The following ST8SIA6 variants were observed in gnomAD, a reference collection of about 807,000 sequenced individuals.
The protein encoded by ST8SIA6 is ST8 alpha-N-acetyl-neuraminide alpha-2,8-sialyltransferase 6.
In ST8SIA6, 39 loss-of-function variants were observed where a neutral mutation model predicts 33.6. That is an observed-to-expected ratio of 1.16 (90% CI 0.90 to 1.52). The LOEUF (loss-of-function observed/expected upper bound fraction) is 1.52, where lower values mean the gene tolerates loss of function less well. Among genes scored for constraint, ST8SIA6 ranks in the 40% most tolerant of loss-of-function variants. The pLI is 0.00. For missense variants in ST8SIA6, 441 were observed against 443.8 expected (o/e 0.99, Z 0.06); for synonymous variants, 172 against 167.2 (o/e 1.03, Z -0.22).
chr10:17,403,310 G>T (rs1173895674), intron 2 of ST8SIA6, among the ~76,000 whole-genome samples: 1 of 152,208 alleles, frequency 6.6e-6, no homozygotes, highest in East Asian at 1.9e-4. Flanking sequence ...CTTTAGGCGA[G>T]TAGAGAGAAA....
At chr10:17,387,187 A>G (rs1262016101) in intron 3 of ST8SIA6, 4 of 152,208 alleles carry the variant, frequency 2.6e-5, no homozygotes, top group African/African-American at 9.7e-5. Context: ...GAAGACGCAC[A>G]GCACCGTGGA....
chr10:17,376,437 A>G (rs1213138231), intron 3 of ST8SIA6, among the ~76,000 whole-genome samples: 1 of 152,172 alleles, frequency 6.6e-6, no homozygotes, highest in South Asian at 2.1e-4. Flanking sequence ...AACAAACCTA[A>G]TGGTCCATTT....
At position 17,448,499 on chromosome 10, in the gene ST8SIA6, G is replaced by A. The variant is rs185026359; in HGVS notation, c.200+5060C>T. On this transcript the variant is annotated intron_variant, in intron 2 of 7. Transcript: ENST00000377602. ...CCAAATTAGCTAGTTACACAAGCTT[G>A]TGCGGGCCGTTTCATTAATCTCCCA... 3.2e-4 allele frequency among the ~76,000 whole-genome samples: 49 copies of A among 152,308 alleles called. No homozygotes were observed. In the East Asian group the frequency reaches 8.5e-3, roughly 26 times the overall value.
At chr10:17,444,186 A>G (rs1769156307) in intron 2 of ST8SIA6, among the ~76,000 whole-genome samples, 1 of 152,154 alleles carries the variant, frequency 6.6e-6, no homozygotes. Context: ...CTTAAAGGAA[A>G]TGTCTAATAA....
chr10:17,348,745 T>A (rs181441022), intron 4 of ST8SIA6, among the ~76,000 whole-genome samples: 1 of 152,316 alleles, frequency 6.6e-6, no homozygotes, highest in East Asian at 1.9e-4. Flanking sequence ...TGTTTTTGCC[T>A]GGCCTCTGGG....
intron 3 of ST8SIA6, among the ~76,000 whole-genome samples, chr10:17,362,261 T>C (rs1468927834): frequency 6.6e-6 from 1 of 152,230 alleles, no homozygotes; most frequent in East Asian, 1.9e-4. Flanking sequence ...GTAGAAATGA[T>C]GTATACATAT....
At chr10:17,385,604 G>T (rs1006583411) in intron 3 of ST8SIA6, among the ~76,000 whole-genome samples, 2 of 152,066 alleles carry the variant, frequency 1.3e-5, no homozygotes, top group Non-Finnish European at 2.9e-5. Flanking sequence ...GGTGGGGAGA[G>T]CTGGAGACAT....
intron 3 of ST8SIA6, among the ~76,000 whole-genome samples, chr10:17,375,372 C>G (rs929665606): frequency 6.6e-6 from 1 of 152,166 alleles, no homozygotes; most frequent in Non-Finnish European, 1.5e-5. Flanking sequence ...GAAGTTTGAT[C>G]GGCCATAATT....
At chr10:17,379,092 C>T (rs959423148) in intron 3 of ST8SIA6, among the ~76,000 whole-genome samples, 6 of 150,124 alleles carry the variant, frequency 4.0e-5, no homozygotes, top group African/African-American at 1.5e-4. Flanking sequence ...CACCACTGCA[C>T]TCCAGCCTGG....
chr10:17,391,523 A>G (rs970879276), intron 2 of ST8SIA6, among the ~76,000 whole-genome samples: 32 of 152,096 alleles, frequency 2.1e-4, no homozygotes, highest in Admixed American at 2.1e-3. Flanking sequence ...GGGCCTCCCA[A>G]AGTGCTGGGA....
chr10:17,421,976 C>G (rs985294267), intron 2 of ST8SIA6, among the ~76,000 whole-genome samples: 4 of 152,108 alleles, frequency 2.6e-5, no homozygotes, highest in Non-Finnish European at 4.4e-5. Flanking sequence ...TTGCTTTATA[C>G]AGCCCTTTTC....
At chr10:17,376,531 A>T (rs998055563) in intron 3 of ST8SIA6, among the ~76,000 whole-genome samples, 1 of 152,208 alleles carries the variant, frequency 6.6e-6, no homozygotes, top group African/African-American at 2.4e-5. Flanking sequence ...AAAACCCAAG[A>T]AAAGGAAATA....
At chr10:17,431,464 A>G (rs1852099386) in intron 2 of ST8SIA6, among the ~76,000 whole-genome samples, 1 of 152,166 alleles carries the variant, frequency 6.6e-6, no homozygotes, top group South Asian at 2.1e-4. Flanking sequence ...AGGGGGGGGA[A>G]AGGGTGTGAC....
At chr10:17,380,238 G>A (rs908086028) in intron 3 of ST8SIA6, among the ~76,000 whole-genome samples, 8 of 152,154 alleles carry the variant, frequency 5.3e-5, no homozygotes, top group African/African-American at 9.7e-5. Context: ...CTTCTAGCAT[G>A]GTAGAGAGCA....
intron 3 of ST8SIA6, among the ~76,000 whole-genome samples, chr10:17,381,027 C>T (rs2589044): frequency 0.32 from 47,750 of 150,350 alleles, 8,233 homozygotes; most frequent in East Asian, 0.64. Flanking sequence ...TTTTTTTGAG[C>T]AAAAGTTTTT....
In ST8SIA6 at chr10:17,315,917, T is replaced by C. The variant is rs1035417955; in HGVS notation, c.*4961A>G. On this transcript the variant is annotated 3_prime_UTR_variant, in exon 8 of 8. Transcript: ENST00000377602. ...CATGGGATAATACTGATTTTTCTTT[T>C]CATTTTATAATTGCATAATGGAAAT... is the stretch of plus-strand genomic sequence containing the variant. Among the ~76,000 whole-genome samples the C allele has an allele frequency of 6.6e-6, 1 of 152,040 alleles. No homozygotes were observed. The highest frequency in any genetic ancestry group is 6.6e-5 in the Admixed American group (1 of 15,258).
rs1252018619 is a variant in ST8SIA6 at position 17,327,068 on chromosome 10, AT to A, written c.580del (p.Ile194PhefsTer2). ...AGTTCCACAGAGAGACTTATTCAGA[AT>A]TCCCCCATTTCCGACCACTGCACAC... is the stretch of plus-strand genomic sequence containing the variant. ...NQCAVVGNGG[I>X]LNKSLCGTEI... is the part of the protein sequence containing the mutation. On this transcript the variant is annotated frameshift_variant, in exon 6 of 8. Coordinates refer to ENST00000377602, the MANE Select transcript of ST8SIA6 (RefSeq NM_001004470.3). LOFTEE classifies it high-confidence loss of function. 6.2e-7 allele frequency: 1 copy of A among 1,610,916 alleles called. No individual in the cohort carries two copies. The highest frequency in any genetic ancestry group is 1.1e-5 in the South Asian group (1 of 90,372).
chr10:17,360,911 AG>A (rs1849362004), intron 3 of ST8SIA6, among the ~76,000 whole-genome samples: 2 of 98,768 alleles, frequency 2.0e-5, no homozygotes, highest in Non-Finnish European at 4.1e-5. Context: ...GAAGAAGAAG[AG>A]GAAGAAGGGA....
At chr10:17,353,300 A>C (rs1345440506) in intron 4 of ST8SIA6, among the ~76,000 whole-genome samples, 3 of 152,230 alleles carry the variant, frequency 2.0e-5, no homozygotes, top group African/African-American at 4.8e-5. Context: ...TTCCAGTTTT[A>C]TGATCTAATG....
Sources: allele counts gnomAD v4.1 joint callset (sites outside exome capture counted in the v4.1 genomes callset), GRCh38; gene constraint gnomAD v4.1.1; transcripts MANE v1.5; gene names NCBI Gene and HGNC (gene_info 2026-07-23, HGNC 2026-07-21).